NSFL1C: variants seen among roughly 807,000 people sequenced by gnomAD.
NSFL1C encodes the protein NSFL1 cofactor p47.
A neutral mutation model predicts 43.1 loss-of-function variants in NSFL1C; 14 were observed. The observed-to-expected ratio is 0.32, with a 90% confidence interval of 0.21 to 0.51. The LOEUF (loss-of-function observed/expected upper bound fraction) is 0.51. Ranked by LOEUF, NSFL1C falls within the 20% of genes least tolerant of loss-of-function variation. The probability of loss-of-function intolerance (pLI) is 0.98; values close to 1 mark genes in which losing one functional copy is unlikely to be tolerated. For synonymous variants in NSFL1C, 171 were observed against 183.5 expected, an observed-to-expected ratio of 0.93 and a Z score of 0.55; for missense variants, 406 against 472.5, an observed-to-expected ratio of 0.86 and a Z score of 1.30.
At chr20:1,465,924 G>T (rs1412207938) in intron 1 of NSFL1C, among the ~76,000 whole-genome samples, 2 of 152,164 alleles carry the variant, frequency 1.3e-5, no homozygotes, top group African/African-American at 2.4e-5. Context: ...GACATGTAAA[G>T]CAGTCAGAAC....
intron 7 of NSFL1C, among the ~76,000 whole-genome samples, chr20:1,450,763 C>G (rs1599945868): frequency 6.6e-6 from 1 of 152,198 alleles, no homozygotes; most frequent in East Asian, 1.9e-4. Flanking sequence ...GATTTAATCA[C>G]AGAGATATTC....
Position 1,443,655 on chromosome 20 carries a change from G to T in NSFL1C, c.*94C>A. On this transcript the variant is annotated 3_prime_UTR_variant, in exon 9 of 9. Coordinates refer to ENST00000216879, the MANE Select transcript of NSFL1C (RefSeq NM_016143.5). ...GAGGAGACGTTGCACTGGACTGCTG[G>T]GTGTGCACAAGGGGGCAGGAGGGGC... The T allele has an allele frequency of 2.3e-6, 3 of 1,327,712 alleles. No individual in the cohort carries two copies. The highest frequency in any genetic ancestry group is 3.2e-6 in the Non-Finnish European group (3 of 938,884). 82.2% of individuals were successfully genotyped at this position (1,327,712 alleles called of 1,614,324 possible). A position where few individuals can be genotyped will look rare whatever the true frequency, so the allele number is the denominator to read the frequency against.
chr20:1,454,365 G>T (rs1210023019), intron 4 of NSFL1C, 60 bp from the exon 5 acceptor site: 2 of 1,111,090 alleles, frequency 1.8e-6, no homozygotes, highest in African/African-American at 1.5e-5. Context: ...GGGTTACTCA[G>T]ATACAATGAT....
At position 1,452,633 on chromosome 20, in the gene NSFL1C, G is replaced by A. The variant is rs2090207095; in HGVS notation, c.648-3C>T. 1 of 1,613,922 alleles carries A rather than the reference G, an allele frequency of 6.2e-7. No individual in the cohort carries two copies. Reference sequence around the variant, plus strand: ...TCCGAAGCTCTGCTGGCACCTCCCTGTGGAAGAAAAGGCCATGCTGAGGTC... The same window carrying A: ...TCCGAAGCTCTGCTGGCACCTCCCTATGGAAGAAAAGGCCATGCTGAGGTC... On this transcript the variant is annotated splice_polypyrimidine_tract_variant and splice_region_variant and intron_variant, in intron 6 of 8. Coordinates refer to ENST00000216879, the MANE Select transcript of NSFL1C (RefSeq NM_016143.5).
chr20:1,442,486 T>C lies in NSFL1C; in HGVS notation c.*1263A>G, dbSNP rs2089968774. 1 of 152,182 alleles carries C rather than the reference T, an allele frequency of 6.6e-6. No homozygotes were observed. The highest frequency in any genetic ancestry group is 1.9e-4 in the East Asian group (1 of 5,194). The allele number at this position is 152,182 out of a possible 1,614,324, so 9.4% of individuals were successfully genotyped here. On this transcript the variant is annotated 3_prime_UTR_variant, in exon 9 of 9. Coordinates refer to ENST00000216879, the MANE Select transcript of NSFL1C (RefSeq NM_016143.5). ...TGCTTGGAAAGAGGATTGAGGCACA[T>C]TACGATTCCAAACCAGGAGATCCTG... is the stretch of plus-strand genomic sequence containing the variant.
intron 3 of NSFL1C, 156 bp downstream of exon 3, chr20:1,458,044 G>A: frequency 1.6e-6 from 1 of 631,036 alleles, no homozygotes; most frequent in Admixed American, 2.6e-5. Flanking sequence ...ACAAGGAGTA[G>A]AAGAGACTTC....
chr20:1,445,959 C>T, intron 7 of NSFL1C, 129 bp from the exon 8 acceptor site: 1 of 1,008,338 alleles, frequency 9.9e-7, no homozygotes, highest in Non-Finnish European at 1.5e-6. Context: ...GATCTATTGA[C>T]CCAGACAGGG....
Position 1,451,054 on chromosome 20 carries a change from A to C in NSFL1C, c.785+1439T>G, listed in dbSNP as rs1326154914. Among the ~76,000 whole-genome samples, 3 of 152,318 alleles carry C rather than the reference A, an allele frequency of 2.0e-5. No homozygotes were observed. The East Asian group carries it at 5.8e-4, about 29-fold the overall frequency. On this transcript the variant is annotated intron_variant, in intron 7 of 8. Coordinates refer to ENST00000216879, the MANE Select transcript of NSFL1C (RefSeq NM_016143.5). ...AGGACAGCTTTTATTCTTTACCTGC[A>C]CTTTCTATTAAGATGAACATGTATT...
intron 7 of NSFL1C, among the ~76,000 whole-genome samples, chr20:1,447,425 G>A (rs1023475160): frequency 5.1e-5 from 7 of 138,338 alleles, no homozygotes; most frequent in African/African-American, 7.9e-5. Flanking sequence ...AATGTTATGA[G>A]TTTTTTTTTT....
In NSFL1C at chr20:1,452,151, C is replaced by A. The variant is rs373788872; in HGVS notation, c.785+342G>T. On this transcript the variant is annotated intron_variant, in intron 7 of 8. Transcript: ENST00000216879. ...AGCAATTACGTACACTTTCTGCTTA[C>A]ATTGACTGCTCACTATGGAACAGTG... Among the ~76,000 whole-genome samples, 51 of 152,346 alleles carry A rather than the reference C, an allele frequency of 3.3e-4. No homozygotes were observed. In the East Asian group the frequency reaches 9.5e-3, roughly 28 times the overall value.
chr20:1,444,283 C>A (rs1476260350), intron 8 of NSFL1C, among the ~76,000 whole-genome samples: 3 of 152,218 alleles, frequency 2.0e-5, no homozygotes, highest in Non-Finnish European at 4.4e-5. Flanking sequence ...ACAACTCAGG[C>A]CTCGGATCCA....
chr20:1,462,881 G>A (rs1207527576), intron 2 of NSFL1C, among the ~76,000 whole-genome samples: 1 of 152,060 alleles, frequency 6.6e-6, no homozygotes, highest in Admixed American at 6.6e-5. Context: ...AACAAAACAG[G>A]TCAATTGAGA....
rs759308537 is a variant in NSFL1C at position 1,452,490 on chromosome 20, T to C, written c.785+3A>G. 1 of 1,614,128 alleles carries C rather than the reference T, an allele frequency of 6.2e-7. No homozygotes were observed. Among genetic ancestry groups the C allele is most frequent in the South Asian group, 1.1e-5 (1 of 91,082 alleles). ...TCTGGCTCTAACCTGTGCTGCCCCT[T>C]ACCTGCCCAGTTTCTGACCCTCGCC... On this transcript the variant is annotated splice_donor_region_variant and intron_variant, in intron 7 of 8. Transcript: ENST00000216879.
rs1004699863 is a variant in NSFL1C at position 1,457,112 on chromosome 20, A to G, written c.278+1088T>C. The G allele has an allele frequency of 2.0e-5, 3 of 152,334 alleles. No individual in the cohort carries two copies. The East Asian group carries it at 5.8e-4, about 29-fold the overall frequency. The allele number at this position is 152,334 out of a possible 1,614,324, so 9.4% of individuals were successfully genotyped here. Reference sequence around the variant, plus strand: ...TTTTTATTATAATGTTCTAAAGGTTAAAAACAAATAGTTGATGGGTACATG... The same window carrying G: ...TTTTTATTATAATGTTCTAAAGGTTGAAAACAAATAGTTGATGGGTACATG... On this transcript the variant is annotated intron_variant, in intron 3 of 8. Coordinates refer to ENST00000216879, the MANE Select transcript of NSFL1C (RefSeq NM_016143.5).
At chr20:1,443,977 A>AG (rs1411523374) in intron 8 of NSFL1C, 66 bp from the exon 9 acceptor site, 1 of 1,501,456 alleles carries the variant, frequency 6.7e-7, no homozygotes, top group East Asian at 2.4e-5. Context: ...CCCTGTGGAA[A>AG]GCTAAACACC....
At chr20:1,446,437 A>G (rs189419937) in intron 7 of NSFL1C, among the ~76,000 whole-genome samples, 3 of 152,276 alleles carry the variant, frequency 2.0e-5, no homozygotes, top group Non-Finnish European at 4.4e-5. Context: ...TGAAAAGCCA[A>G]TTAAGTGCTG....
Position 1,455,077 on chromosome 20 carries a change from T to G in NSFL1C, c.334A>C (p.Lys112Gln), listed in dbSNP as rs2090269176. The G allele has an allele frequency of 6.2e-7, 1 of 1,614,046 alleles. No homozygotes were observed. The highest frequency in any genetic ancestry group is 1.3e-5 in the African/African-American group (1 of 74,912). ...TCCACCAGCTCGTTGGGACTTTTCT[T>G]CCTGGGAGGGCCAACAATCTGCTGT... ...SGQQIVGPPR[K>Q]KSPNELVDDL... The change falls in exon 4 of 9, where the codon AAG becomes CAG. Residue 112 changes from lysine to glutamine, a missense_variant. Physicochemically the swap from Lys to Gln is moderately conservative, Grantham distance 53. This residue lies in a region of NSFL1C where 203 missense variants were observed against 216.3 expected (regional missense o/e 0.94). Coordinates refer to ENST00000216879, the MANE Select transcript of NSFL1C (RefSeq NM_016143.5).
intron 7 of NSFL1C, among the ~76,000 whole-genome samples, chr20:1,449,756 G>C (rs191229408): frequency 6.6e-6 from 1 of 152,210 alleles, no homozygotes; most frequent in East Asian, 1.9e-4. Flanking sequence ...ATCTTTACAG[G>C]GGGAATAAAC....
chr20:1,451,084 T>C (rs1166301330), intron 7 of NSFL1C, among the ~76,000 whole-genome samples: 1 of 152,096 alleles, frequency 6.6e-6, no homozygotes, highest in Admixed American at 6.6e-5. Flanking sequence ...TGTATTATTT[T>C]AATAATCAAA....
Sources: gnomAD v4.1 joint callset for allele counts (sites outside exome capture counted in the v4.1 genomes callset) on GRCh38, gnomAD v4.1.1 for gene constraint, gnomAD v4.1.1 regional missense constraint, MANE v1.5 for transcripts, NCBI Gene and HGNC (gene_info 2026-07-23, HGNC 2026-07-21) for gene names.